Variants in NRG3 observed in about 807,000 individuals in gnomAD.
The protein encoded by NRG3 is pro-neuregulin-3, membrane-bound isoform.
NRG3 carries 31 observed loss-of-function variants against 66.9 expected under a neutral mutation model. That is an observed-to-expected ratio of 0.46 (90% CI 0.35 to 0.63). NRG3 has a LOEUF of 0.63. NRG3 is among the 20% of genes least tolerant of loss of function. The probability of loss-of-function intolerance (pLI) is 0.00; values close to 1 mark genes in which losing one functional copy is unlikely to be tolerated. For synonymous variants in NRG3, 393 were observed against 359.4 expected (o/e 1.09, Z -1.06); for missense variants, 910 against 878.9 (o/e 1.04, Z -0.45).
At chr10:82,647,284 T>C (rs917679211) in intron 2 of NRG3, among the ~76,000 whole-genome samples, 1 of 152,200 alleles carries the variant, frequency 6.6e-6, no homozygotes, top group African/African-American at 2.4e-5. Context: ...GATAGTTTAC[T>C]GAGGATGATG....
intron 1 of NRG3, among the ~76,000 whole-genome samples, chr10:81,996,776 C>T (rs1204583498): frequency 6.6e-6 from 1 of 151,722 alleles, no homozygotes; most frequent in Non-Finnish European, 1.5e-5. Flanking sequence ...TGTGGGTGGG[C>T]CTGTGTATAT....
intron 2 of NRG3, among the ~76,000 whole-genome samples, chr10:82,487,046 A>G (rs1478088870): frequency 6.7e-6 from 1 of 149,442 alleles, no homozygotes; most frequent in African/African-American, 2.4e-5. Context: ...GTTTAACATA[A>G]TGGTTATTAT....
intron 2 of NRG3, among the ~76,000 whole-genome samples, chr10:82,455,137 A>G (rs1438742127): frequency 6.6e-6 from 1 of 152,134 alleles, no homozygotes; most frequent in Non-Finnish European, 1.5e-5. Context: ...CAGGGCCATG[A>G]TTTTGTTTGT....
At chr10:82,050,307 A>G (rs1452416262) in intron 1 of NRG3, among the ~76,000 whole-genome samples, 1 of 151,940 alleles carries the variant, frequency 6.6e-6, no homozygotes, top group Admixed American at 6.6e-5. Flanking sequence ...CATCACCTTC[A>G]ATGGCAAAAC....
At chr10:82,435,974 G>A (rs1418882362) in intron 2 of NRG3, among the ~76,000 whole-genome samples, 1 of 152,010 alleles carries the variant, frequency 6.6e-6, no homozygotes, top group Non-Finnish European at 1.5e-5. Flanking sequence ...GTCGATTTTA[G>A]AATAAGTGCC....
intron 2 of NRG3, among the ~76,000 whole-genome samples, chr10:82,444,096 T>C (rs892240907): frequency 6.6e-6 from 1 of 152,092 alleles, no homozygotes; most frequent in Non-Finnish European, 1.5e-5. Context: ...TAAAAAAAAT[T>C]TGTTGTTTGT....
rs370359467 is a variant in NRG3, at chr10:82,236,710, C to CTTTTTTTTTTTTTTTTTTTTTTTTTT, written c.824-122006_824-122005insTTTTTTTTTTTTTTTTTTTTTTTTTT. Among the ~76,000 whole-genome samples the CTTTTTTTTTTTTTTTTTTTTTTTTTT allele has an allele frequency of 2.1e-5, 2 of 93,508 alleles. 1 individual carries two copies. Among genetic ancestry groups the CTTTTTTTTTTTTTTTTTTTTTTTTTT allele is most frequent in the Non-Finnish European group, 3.8e-5 (2 of 52,230 alleles). The allele number at this position is 93,508 out of a possible 152,430, so 61.3% of individuals were successfully genotyped here. ...CTCCTTCTCCATATGAAAACTAGAA[C>CTTTTTTTTTTTTTTTTTTTTTTTTTT]TTTTTTTTTTTTTTTTTTTTTTTGA... On this transcript the variant is annotated intron_variant, in intron 1 of 8. Transcript: ENST00000372141.
chr10:82,919,011 C>A (rs1264815545), intron 4 of NRG3, among the ~76,000 whole-genome samples: 1 of 151,924 alleles, frequency 6.6e-6, no homozygotes. Flanking sequence ...TTAAACCAAT[C>A]ACTGGGCCCC....
At chr10:82,031,986 TG>T (rs2132892286) in intron 1 of NRG3, among the ~76,000 whole-genome samples, 1 of 152,112 alleles carries the variant, frequency 6.6e-6, no homozygotes, top group South Asian at 2.1e-4. Flanking sequence ...GACCAAGCAG[TG>T]GGCCATTCAG....
intron 1 of NRG3, among the ~76,000 whole-genome samples, chr10:82,116,170 A>AT (rs1399555597): frequency 2.0e-5 from 3 of 151,998 alleles, no homozygotes; most frequent in African/African-American, 7.3e-5. Flanking sequence ...TCCAAAAAAA[A>AT]TTTTTTTAGT....
intron 2 of NRG3, among the ~76,000 whole-genome samples, chr10:82,407,850 C>T (rs898628768): frequency 6.6e-6 from 1 of 151,984 alleles, no homozygotes; most frequent in South Asian, 2.1e-4. Context: ...GCAGGTGGAT[C>T]ATGAGGTCAG....
intron 1 of NRG3, among the ~76,000 whole-genome samples, chr10:82,110,317 G>A (rs2067310374): frequency 6.6e-6 from 1 of 152,110 alleles, no homozygotes; most frequent in Non-Finnish European, 1.5e-5. Context: ...AACATGGGTG[G>A]GTGGTAGGAG....
intron 3 of NRG3, among the ~76,000 whole-genome samples, chr10:82,770,872 G>T (rs548151780): frequency 3.3e-5 from 5 of 152,102 alleles, no homozygotes; most frequent in African/African-American, 9.6e-5. Context: ...ATGGAATTCG[G>T]GTCTCCCCTG....
At chr10:82,591,085 A>G (rs1442869785) in intron 2 of NRG3, among the ~76,000 whole-genome samples, 1 of 152,134 alleles carries the variant, frequency 6.6e-6, no homozygotes, top group Non-Finnish European at 1.5e-5. Context: ...AGTCTTGGGG[A>G]CCACATTTCA....
intron 2 of NRG3, among the ~76,000 whole-genome samples, chr10:82,549,283 G>A (rs115925559): frequency 6.8e-4 from 104 of 152,292 alleles, no homozygotes; most frequent in African/African-American, 1.9e-3. Context: ...TTAAGAGCAG[G>A]TTAACCACAA....
intron 2 of NRG3, among the ~76,000 whole-genome samples, chr10:82,362,550 T>TG (rs1435171102): frequency 3.1e-5 from 3 of 97,690 alleles, no homozygotes; most frequent in Non-Finnish European, 5.6e-5. Flanking sequence ...ATTTCTGGGT[T>TG]TTTTTTTTTT....
rs376760739 is a variant in NRG3, at chr10:81,948,441, C to T, written c.823+72278C>T. Among the ~76,000 whole-genome samples the T allele has an allele frequency of 2.8e-4, 42 of 152,282 alleles. 2 individuals carry two copies. The highest frequency in any genetic ancestry group is 8.9e-4 in the African/African-American group (37 of 41,568). On this transcript the variant is annotated intron_variant, in intron 1 of 8. Coordinates refer to ENST00000372141, the MANE Select transcript of NRG3 (RefSeq NM_001010848.4). ...TTATACACTTTCTCTCTCAAACCAA[C>T]GGTTCTGGCCATGTGAGGATTTTGT...
intron 4 of NRG3, among the ~76,000 whole-genome samples, chr10:82,895,010 T>C (rs1381083788): frequency 6.6e-6 from 1 of 152,184 alleles, no homozygotes; most frequent in East Asian, 1.9e-4. Context: ...TTTCTGTTCT[T>C]GTGTTACTTT....
intron 1 of NRG3, among the ~76,000 whole-genome samples, chr10:81,915,301 A>G (rs1237988351): frequency 6.6e-6 from 1 of 152,120 alleles, no homozygotes; most frequent in South Asian, 2.1e-4. Flanking sequence ...TTCAGAATTG[A>G]GTATAAAAGC....
Sources: gnomAD v4.1 joint callset for allele counts (sites outside exome capture counted in the v4.1 genomes callset) on GRCh38, gnomAD v4.1.1 for gene constraint, MANE v1.5 for transcripts, NCBI Gene and HGNC (gene_info 2026-07-23, HGNC 2026-07-21) for gene names.